CPED1: variants seen among roughly 807,000 people sequenced by gnomAD.
The protein encoded by CPED1 is cadherin-like and PC-esterase domain-containing protein 1.
Under a neutral mutation model 128.2 loss-of-function variants are expected in CPED1, and 114 were observed. The observed-to-expected ratio is 0.89, with a 90% CI of 0.76 to 1.04. CPED1 has a LOEUF of 1.04. CPED1 is among the 50% of genes least tolerant of loss of function. The pLI is 0.00. For missense variants in CPED1, 1,211 were observed against 1,207.1 expected (o/e 1.00, Z -0.05); for synonymous variants, 462 against 426.7 (o/e 1.08, Z -1.02).
intron 4 of CPED1, among the ~76,000 whole-genome samples, chr7:121,055,330 T>G (rs1451802482): frequency 6.6e-6 from 1 of 152,092 alleles, no homozygotes; most frequent in Admixed American, 6.5e-5. Flanking sequence ...ATGTGGCAAG[T>G]TGCAGTTCCT....
intron 2 of CPED1, among the ~76,000 whole-genome samples, chr7:121,002,088 A>G (rs1283458281): frequency 1.3e-5 from 2 of 152,174 alleles, no homozygotes; most frequent in African/African-American, 4.8e-5. Context: ...ATGCCAAGTT[A>G]TAAAGTTATG....
In CPED1 at chr7:121,130,400, G is replaced by A. The variant is rs1159587474; in HGVS notation, c.1577+106G>A. 17 of 837,166 alleles carry A rather than the reference G, an allele frequency of 2.0e-5. No homozygotes were observed. The South Asian group carries it at 3.1e-4, about 15-fold the overall frequency. The allele number at this position is 837,166 out of a possible 1,614,324, so 51.9% of individuals were successfully genotyped here. ...TAAAGCAAGCAGCAACAACAAAAAAGTGTGTCCAAATTTCCATGCTCAGGA... is the reference window on the plus strand; with the variant it reads ...TAAAGCAAGCAGCAACAACAAAAAAATGTGTCCAAATTTCCATGCTCAGGA... On this transcript the variant is annotated intron_variant, in intron 12 of 22. Transcript: ENST00000310396.
At chr7:120,995,549 C>G (rs1796383068) in intron 2 of CPED1, among the ~76,000 whole-genome samples, 1 of 152,076 alleles carries the variant, frequency 6.6e-6, no homozygotes, top group South Asian at 2.1e-4. Flanking sequence ...TATCACCTAC[C>G]TCTTCAAATT....
chr7:121,030,142 C>A (rs1792692239), intron 3 of CPED1, among the ~76,000 whole-genome samples: 2 of 152,102 alleles, frequency 1.3e-5, no homozygotes, highest in South Asian at 4.1e-4. Context: ...AAGCATCACA[C>A]ATGCACACAC....
chr7:121,241,792 A>G (rs934065549), intron 17 of CPED1, among the ~76,000 whole-genome samples: 1 of 152,192 alleles, frequency 6.6e-6, no homozygotes, highest in African/African-American at 2.4e-5. Context: ...CATAAAATAT[A>G]TATGTTGACT....
intron 16 of CPED1, among the ~76,000 whole-genome samples, chr7:121,164,068 T>TGTAATATGTAAA: frequency 6.6e-6 from 1 of 152,332 alleles, no homozygotes; most frequent in South Asian, 2.1e-4. Flanking sequence ...ATTTGTGTGT[T>TGTAATATGTAAA]TGTAAATATT....
At chr7:121,060,245 G>T (rs931526707) in intron 4 of CPED1, among the ~76,000 whole-genome samples, 1 of 152,228 alleles carries the variant, frequency 6.6e-6, no homozygotes, top group Non-Finnish European at 1.5e-5. Context: ...CTGTGCGGCC[G>T]GAGCCTCCCT....
chr7:121,052,750 C>G (rs1793391022), intron 4 of CPED1, among the ~76,000 whole-genome samples: 2 of 152,086 alleles, frequency 1.3e-5, no homozygotes, highest in Non-Finnish European at 2.9e-5. Flanking sequence ...GAGACAGAGT[C>G]TCACTCTGTC....
rs746828443 is a variant in CPED1 at position 121,127,233 on chromosome 7, A to G, written c.1278A>G (p.Arg426=). The part of the protein sequence containing the change: ...SLSIFSEIFQ[R]LYRSDVFKGE... ...CCATATTTTCTGAGATATTTCAGAG[A>G]CTTTATAGATCAGATGTTTTCAAGG... The change falls in exon 10 of 23, where the codon AGA becomes AGG. Residue 426 remains arginine (R), a synonymous_variant. Transcript: ENST00000310396. 5 of 1,585,956 alleles carry G rather than the reference A, an allele frequency of 3.2e-6. No homozygotes were observed. In the South Asian group the frequency reaches 5.6e-5, roughly 18 times the overall value.
At chr7:121,222,590 T>C (rs1186459661) in intron 16 of CPED1, among the ~76,000 whole-genome samples, 6 of 152,234 alleles carry the variant, frequency 3.9e-5, no homozygotes, top group Admixed American at 3.3e-4. Context: ...TCCATGAGCA[T>C]GAAATGTTCT....
At chr7:120,991,420 G>C (rs1474813904) in intron 2 of CPED1, among the ~76,000 whole-genome samples, 1 of 152,112 alleles carries the variant, frequency 6.6e-6, no homozygotes, top group Non-Finnish European at 1.5e-5. Flanking sequence ...AGTTACAATG[G>C]ATGTAAACTG....
intron 18 of CPED1, among the ~76,000 whole-genome samples, chr7:121,248,603 A>AC (rs1329797207): frequency 2.0e-5 from 3 of 151,422 alleles, no homozygotes; most frequent in African/African-American, 7.3e-5. Flanking sequence ...ACAAAAAAAA[A>AC]AAAAAAAAAA....
chr7:121,117,100 A>ATATATATATATATATAT (rs1450957943), intron 7 of CPED1, among the ~76,000 whole-genome samples: 8 of 70,650 alleles, frequency 1.1e-4, no homozygotes, highest in African/African-American at 3.8e-4. Flanking sequence ...TATATATATA[A>ATATATATATATATATAT]ATATATATAT....
chr7:121,043,027 C>A (rs992979410), intron 3 of CPED1, among the ~76,000 whole-genome samples: 4 of 152,216 alleles, frequency 2.6e-5, no homozygotes, highest in African/African-American at 7.2e-5. Flanking sequence ...TCAACCTTCT[C>A]AGTGCAGAAA....
chr7:121,233,031 G>A (rs1407886309), intron 16 of CPED1, among the ~76,000 whole-genome samples: 2 of 152,038 alleles, frequency 1.3e-5, no homozygotes, highest in African/African-American at 4.8e-5. Flanking sequence ...GTGTCCAGAG[G>A]AATAGATAAT....
chr7:121,030,974 A>T (rs1043361881), intron 3 of CPED1, among the ~76,000 whole-genome samples: 1 of 152,240 alleles, frequency 6.6e-6, no homozygotes. Context: ...AGGCAGTCAT[A>T]TATCCAAAGC....
chr7:120,994,894 G>A (rs1441172597), intron 2 of CPED1, among the ~76,000 whole-genome samples: 1 of 152,134 alleles, frequency 6.6e-6, no homozygotes, highest in Non-Finnish European at 1.5e-5. Context: ...AAGGCAGGAA[G>A]ACCAGTTGGT....
chr7:121,026,813 C>T lies in CPED1; in HGVS notation c.433+10965C>T, dbSNP rs1792598750. On this transcript the variant is annotated intron_variant, in intron 3 of 22. Transcript: ENST00000310396. ...GTTGAGGTTTTTGTTTCCTAGAGCT[C>T]CCTCCTGTCAGTTCTTTTTTTTTTT... 2.0e-5 allele frequency among the ~76,000 whole-genome samples: 3 copies of T among 148,758 alleles called. No individual in the cohort carries two copies. In the South Asian group the frequency reaches 6.4e-4, roughly 32 times the overall value.
At chr7:121,056,741 TG>T (rs1793508954) in intron 4 of CPED1, among the ~76,000 whole-genome samples, 1 of 152,240 alleles carries the variant, frequency 6.6e-6, no homozygotes, top group African/African-American at 2.4e-5. Flanking sequence ...TTAAACCTCT[TG>T]GTTTGCTCTC....
Sources: gnomAD v4.1 joint callset for allele counts (sites outside exome capture counted in the v4.1 genomes callset) on GRCh38, gnomAD v4.1.1 for gene constraint, MANE v1.5 for transcripts, NCBI Gene and HGNC (gene_info 2026-07-23, HGNC 2026-07-21) for gene names.